The following AUH variants were observed in gnomAD, a reference collection of about 807,000 sequenced individuals.
The protein encoded by AUH is AU RNA binding methylglutaconyl-CoA hydratase.
AUH carries 29 observed loss-of-function variants against 42.3 expected under a neutral mutation model. The ratio of observed to expected loss-of-function variants is 0.69; its 90% confidence interval spans 0.51 to 0.93. The LOEUF (loss-of-function observed/expected upper bound fraction) is 0.93. AUH is among the 40% of genes least tolerant of loss of function. The pLI, the probability that AUH is intolerant of heterozygous loss-of-function variation, is 0.00. For synonymous variants in AUH, 174 were observed against 166.4 expected (o/e 1.05, Z -0.35); for missense variants, 452 against 438.1 (o/e 1.03, Z -0.28).
intron 3 of AUH, among the ~76,000 whole-genome samples, chr9:91,337,916 A>C (rs1830810527): frequency 2.0e-5 from 3 of 152,194 alleles, no homozygotes; most frequent in Admixed American, 2.0e-4. Flanking sequence ...AAGGAGCATG[A>C]CCTTCTTGGT....
At chr9:91,224,570 T>C (rs1827326551) in intron 6 of AUH, among the ~76,000 whole-genome samples, 1 of 152,180 alleles carries the variant, frequency 6.6e-6, no homozygotes, top group African/African-American at 2.4e-5. Context: ...CTTCTAAGAG[T>C]TGTATACTTT....
chr9:91,297,960 G>A, intron 5 of AUH, 24 bp downstream of exon 5: 1 of 1,537,536 alleles, frequency 6.5e-7, no homozygotes, highest in Non-Finnish European at 9.0e-7. Flanking sequence ...TTTAAATTAT[G>A]TTTTTAACAG....
chr9:91,360,919 C>T (rs1281779571), intron 1 of AUH, among the ~76,000 whole-genome samples: 1 of 152,186 alleles, frequency 6.6e-6, no homozygotes, highest in African/African-American at 2.4e-5. Flanking sequence ...CCCTGCACTG[C>T]CAGTGAAAGG....
chr9:91,361,126 C>A (rs910174537), intron 1 of AUH, among the ~76,000 whole-genome samples: 8 of 152,200 alleles, frequency 5.3e-5, no homozygotes, highest in African/African-American at 1.7e-4. Context: ...AACAGTCCCT[C>A]AAGACTAACT....
intron 6 of AUH, among the ~76,000 whole-genome samples, chr9:91,226,344 GTCT>G (rs1231587839): frequency 4.8e-5 from 7 of 144,894 alleles, no homozygotes; most frequent in African/African-American, 7.5e-5. Flanking sequence ...CTGCATAAAT[GTCT>G]TCTTTTGAGA....
In AUH at chr9:91,325,462, G is replaced by C. The variant is rs1316174362; in HGVS notation, c.419-58C>G. On this transcript the variant is annotated intron_variant, in intron 3 of 9. Coordinates refer to ENST00000375731, the MANE Select transcript of AUH (RefSeq NM_001698.3). The stretch of plus-strand genomic sequence containing the variant: ...GTTGTAAACAAAATTTTAAGGCAAA[G>C]AATTGAAAATTTACTTAAGATTAGT... The C allele has an allele frequency of 2.8e-6, 4 of 1,452,920 alleles. No individual in the cohort carries two copies. The South Asian group carries it at 3.4e-5, about 12-fold the overall frequency. 90.0% of individuals were successfully genotyped at this position (1,452,920 alleles called of 1,614,324 possible). A position where few individuals can be genotyped will look rare whatever the true frequency, so the allele number is the denominator to read the frequency against.
chr9:91,351,933 G>A (rs1832022270), intron 3 of AUH, among the ~76,000 whole-genome samples: 1 of 152,112 alleles, frequency 6.6e-6, no homozygotes, highest in South Asian at 2.1e-4. Flanking sequence ...ACAATGCTAA[G>A]TATTTATATG....
intron 4 of AUH, among the ~76,000 whole-genome samples, chr9:91,302,741 C>A (rs1827899824): frequency 2.0e-5 from 3 of 152,124 alleles, no homozygotes; most frequent in African/African-American, 7.2e-5. Flanking sequence ...TGCATTCCAG[C>A]CTGGGCAACA....
intron 6 of AUH, among the ~76,000 whole-genome samples, chr9:91,234,331 T>C (rs1828056402): frequency 6.6e-6 from 1 of 152,186 alleles, no homozygotes; most frequent in Admixed American, 6.5e-5. Flanking sequence ...GCATGGAGAT[T>C]TGCCAAGCTC....
chr9:91,286,443 A>G (rs2131594622), intron 6 of AUH, among the ~76,000 whole-genome samples: 1 of 152,188 alleles, frequency 6.6e-6, no homozygotes, highest in Non-Finnish European at 1.5e-5. Context: ...GGAAATAGTC[A>G]GCCAATGGTA....
rs140241119 is a variant in AUH, at chr9:91,254,265, A to G, written c.656-33273T>C. Among the ~76,000 whole-genome samples the G allele has an allele frequency of 3.3e-5, 5 of 152,324 alleles. No homozygotes were observed. The East Asian group carries it at 9.6e-4, about 29-fold the overall frequency. On this transcript the variant is annotated intron_variant, in intron 6 of 9. Transcript: ENST00000375731. ...AATAAAGGTAATGTAAGAGGATTAA[A>G]CAAAGCACTATGGGAGGAAGCTGCG...
intron 6 of AUH, among the ~76,000 whole-genome samples, chr9:91,233,630 G>C (rs1246289398): frequency 6.6e-6 from 1 of 152,184 alleles, no homozygotes; most frequent in East Asian, 1.9e-4. Context: ...TATATTCAGG[G>C]AGATAAAGGA....
At chr9:91,312,934 G>A (rs1421816903) in intron 4 of AUH, among the ~76,000 whole-genome samples, 1 of 152,128 alleles carries the variant, frequency 6.6e-6, no homozygotes, top group Non-Finnish European at 1.5e-5. Context: ...AGGCAGGGCA[G>A]CCTCCATTCT....
intron 3 of AUH, among the ~76,000 whole-genome samples, chr9:91,325,759 T>C (rs1184075659): frequency 1.3e-5 from 2 of 152,184 alleles, no homozygotes; most frequent in East Asian, 3.8e-4. Flanking sequence ...AAAATACAAA[T>C]GAACCCATTA....
chr9:91,221,684 G>A (rs1827146085), intron 6 of AUH, among the ~76,000 whole-genome samples: 1 of 151,868 alleles, frequency 6.6e-6, no homozygotes, highest in Non-Finnish European at 1.5e-5. Context: ...ACTACTTTAG[G>A]GACTTCGGGA....
chr9:91,256,897 G>A (rs185491530), intron 6 of AUH, among the ~76,000 whole-genome samples: 72 of 152,156 alleles, frequency 4.7e-4, no homozygotes, highest in Non-Finnish European at 7.4e-5. Flanking sequence ...AAAGACATGA[G>A]TTACGATTAT....
chr9:91,332,147 T>C (rs1173041790), intron 3 of AUH, among the ~76,000 whole-genome samples: 1 of 152,202 alleles, frequency 6.6e-6, no homozygotes, highest in Non-Finnish European at 1.5e-5. Flanking sequence ...TTTCAATGAA[T>C]CCAGTGGAAC....
At chr9:91,290,359 G>A (rs1408657619) in intron 6 of AUH, among the ~76,000 whole-genome samples, 1 of 152,102 alleles carries the variant, frequency 6.6e-6, no homozygotes, top group South Asian at 2.1e-4. Context: ...AGGCTGCAGT[G>A]AGCTATCATT....
chr9:91,222,086 C>G (rs551600943), intron 6 of AUH, among the ~76,000 whole-genome samples: 4 of 152,292 alleles, frequency 2.6e-5, no homozygotes, highest in African/African-American at 9.6e-5. Flanking sequence ...TTTACTTGAC[C>G]TACAAAATTT....
Sources: allele counts gnomAD v4.1 joint callset (sites outside exome capture counted in the v4.1 genomes callset), GRCh38; gene constraint gnomAD v4.1.1; transcripts MANE v1.5; gene names NCBI Gene and HGNC (gene_info 2026-07-23, HGNC 2026-07-21).